RAB10: variants seen among roughly 807,000 people sequenced by gnomAD.
RAB10 encodes the protein ras-related protein Rab-10.
RAB10 carries 5 observed loss-of-function variants against 25.7 expected under a neutral mutation model. The observed-to-expected ratio is 0.19, with a 90% CI of 0.10 to 0.41. RAB10 has a LOEUF of 0.41. Among genes scored for constraint, RAB10 ranks in the 10% least tolerant of loss-of-function variants. The pLI, the probability that RAB10 is intolerant of heterozygous loss-of-function variation, is 1.00. For synonymous variants in RAB10, 89 were observed against 86.4 expected, an observed-to-expected ratio of 1.03 and a Z score of -0.16; for missense variants, 103 against 245.8, an observed-to-expected ratio of 0.42 and a Z score of 3.89.
At chr2:26,119,524 CTTTT>C (rs113908052) in intron 3 of RAB10, among the ~76,000 whole-genome samples, 2 of 145,226 alleles carry the variant, frequency 1.4e-5, no homozygotes, top group Non-Finnish European at 3.0e-5. Flanking sequence ...CTTAGCTTTG[CTTTT>C]TTTTTTTTCT....
In RAB10 at chr2:26,047,900, A is replaced by AT. The variant is rs528605399; in HGVS notation, c.127+13170dup. On this transcript the variant is annotated intron_variant, in intron 1 of 5. Transcript: ENST00000264710. The stretch of plus-strand genomic sequence containing the variant: ...CACCACACCCAGCTAATTTTTTTGT[A>AT]TTTTTAGTGGAGACGAGGTTTCACC... Among the ~76,000 whole-genome samples the AT allele has an allele frequency of 2.6e-4, 39 of 150,048 alleles. 2 individuals carry two copies. In the East Asian group the frequency reaches 7.7e-3, roughly 30 times the overall value.
chr2:26,118,190 C>G (rs1238466480), intron 3 of RAB10, among the ~76,000 whole-genome samples: 1 of 152,164 alleles, frequency 6.6e-6, no homozygotes, highest in East Asian at 1.9e-4. Flanking sequence ...TCAGGCCAGT[C>G]TCGAACTCCT....
At chr2:26,063,019 G>A (rs1356218394) in intron 1 of RAB10, among the ~76,000 whole-genome samples, 2 of 151,866 alleles carry the variant, frequency 1.3e-5, no homozygotes, top group African/African-American at 4.8e-5. Flanking sequence ...GGAGGCTGAG[G>A]CAGGAGGATG....
chr2:26,076,819 C>T (rs924033490), intron 1 of RAB10, among the ~76,000 whole-genome samples: 1 of 151,796 alleles, frequency 6.6e-6, no homozygotes, highest in Admixed American at 6.6e-5. Context: ...TGGCAGGCGC[C>T]TGTAATCCCA....
intron 1 of RAB10, among the ~76,000 whole-genome samples, chr2:26,092,262 TGTGTGTGTGTGTGTGTGTGTGTG>T (rs1667123639): frequency 5.3e-3 from 1 of 188 alleles, no homozygotes; most frequent in Admixed American, 0.013. Flanking sequence ...TAGTGAGAGC[TGTGTGTGTGTGTGTGTGTGTGTG>T]TGTGTGTGTG....
intron 1 of RAB10, among the ~76,000 whole-genome samples, chr2:26,094,147 C>A (rs1181146955): frequency 6.6e-6 from 1 of 152,118 alleles, no homozygotes; most frequent in African/African-American, 2.4e-5. Flanking sequence ...CCTTGGCCTG[C>A]CAAAGTGCTA....
At chr2:26,076,198 C>A (rs1666729665) in intron 1 of RAB10, among the ~76,000 whole-genome samples, 1 of 95,226 alleles carries the variant, frequency 1.1e-5, no homozygotes, top group Non-Finnish European at 2.3e-5. Flanking sequence ...TGATAATACC[C>A]ACTGTAGGTG....
At chr2:26,124,839 A>G (rs1478768309) in intron 3 of RAB10, among the ~76,000 whole-genome samples, 5 of 152,130 alleles carry the variant, frequency 3.3e-5, no homozygotes, top group African/African-American at 9.7e-5. Flanking sequence ...GGTACCTCAT[A>G]TAAGTGGAAT....
intron 1 of RAB10, among the ~76,000 whole-genome samples, chr2:26,097,571 C>G (rs116654979): frequency 0.016 from 2,448 of 152,322 alleles, 70 homozygotes; most frequent in African/African-American, 0.056. Context: ...AGCCACCGTG[C>G]CTGGCAACTT....
intron 1 of RAB10, among the ~76,000 whole-genome samples, chr2:26,096,416 G>GT (rs1574550003): frequency 9.4e-6 from 1 of 106,118 alleles, no homozygotes; most frequent in African/African-American, 3.7e-5. Flanking sequence ...ATGGCTGGAT[G>GT]GATGGCTGGC....
intron 3 of RAB10, among the ~76,000 whole-genome samples, chr2:26,124,095 T>C (rs1161276203): frequency 6.6e-6 from 1 of 152,158 alleles, no homozygotes; most frequent in African/African-American, 2.4e-5. Flanking sequence ...CATTTTCTTT[T>C]CTCTAACTTT....
upstream of RAB10, among the ~76,000 whole-genome samples, chr2:26,033,529 G>A (rs1271867024): frequency 3.3e-5 from 5 of 152,268 alleles, no homozygotes; most frequent in South Asian, 2.1e-4. Flanking sequence ...GCCCTGGAGA[G>A]GGGGCACGCC....
chr2:26,050,999 G>A (rs1666120242), intron 1 of RAB10, among the ~76,000 whole-genome samples: 1 of 151,976 alleles, frequency 6.6e-6, no homozygotes, highest in Non-Finnish European at 1.5e-5. Flanking sequence ...GCTCTCTGCA[G>A]CCTCAACCTC....
intron 1 of RAB10, among the ~76,000 whole-genome samples, chr2:26,095,346 G>A (rs191997690): frequency 8.2e-4 from 125 of 152,310 alleles, no homozygotes; most frequent in African/African-American, 2.8e-3. Flanking sequence ...GGTGGCTCAT[G>A]CCTATAATCC....
intron 5 of RAB10, among the ~76,000 whole-genome samples, chr2:26,129,159 T>C (rs1198501857): frequency 6.6e-6 from 1 of 151,310 alleles, no homozygotes; most frequent in Non-Finnish European, 1.5e-5. Context: ...AATCCCAGCT[T>C]CTTGGGAGGC....
At chr2:26,052,470 ATTTTTT>A (rs10712935) in intron 1 of RAB10, among the ~76,000 whole-genome samples, 5 of 114,546 alleles carry the variant, frequency 4.4e-5, no homozygotes, top group African/African-American at 1.7e-4. Context: ...CCGTGAGCCA[ATTTTTT>A]TTTTTTTTTT....
chr2:26,066,858 C>G (rs917563322), intron 1 of RAB10, among the ~76,000 whole-genome samples: 46 of 150,852 alleles, frequency 3.0e-4, no homozygotes, highest in African/African-American at 1.0e-3. Context: ...TCTCGGCTCA[C>G]TGCAGCCTCC....
chr2:26,036,712 G>A (rs1359618297), intron 1 of RAB10, among the ~76,000 whole-genome samples: 3 of 152,010 alleles, frequency 2.0e-5, no homozygotes, highest in African/African-American at 7.2e-5. Context: ...AGAGTCAGAG[G>A]GGTAGGATAG....
chr2:26,055,973 C>CA (rs1666255655), intron 1 of RAB10, among the ~76,000 whole-genome samples: 1 of 151,966 alleles, frequency 6.6e-6, no homozygotes, highest in Admixed American at 6.6e-5. Flanking sequence ...CAGCTCACTG[C>CA]AGCCTCAAAC....
Sources: gnomAD v4.1 joint callset for allele counts (sites outside exome capture counted in the v4.1 genomes callset) on GRCh38, gnomAD v4.1.1 for gene constraint, MANE v1.5 for transcripts, NCBI Gene and HGNC (gene_info 2026-07-23, HGNC 2026-07-21) for gene names.